Variants in GARNL3 observed in about 807,000 individuals in gnomAD.
GARNL3 encodes GTPase-activating Rap/Ran-GAP domain-like protein 3.
GARNL3 carries 63 observed loss-of-function variants against 125.0 expected under a neutral mutation model. The ratio of observed to expected loss-of-function variants is 0.50; its 90% CI spans 0.41 to 0.62. GARNL3 has a LOEUF of 0.62. GARNL3 is among the 20% of genes least tolerant of loss of function. GARNL3 has a pLI of 0.00. For synonymous variants in GARNL3, 439 were observed against 457.5 expected (o/e 0.96, Z 0.52); for missense variants, 994 against 1,244.0 (o/e 0.80, Z 3.02).
chr9:127,313,681 C>A, intron 4 of GARNL3, 122 bp downstream of exon 4: 1 of 742,668 alleles, frequency 1.3e-6, no homozygotes, highest in Non-Finnish European at 2.4e-6. Flanking sequence ...TCGTGATTCA[C>A]CTCTGAGAAG....
At chr9:127,332,443 AG>A in intron 8 of GARNL3, 94 bp downstream of exon 8, 1 of 926,306 alleles carries the variant, frequency 1.1e-6, no homozygotes, top group Non-Finnish European at 1.7e-6. Flanking sequence ...GTTGAGTTGG[AG>A]TCTTTAATAC....
intron 1 of GARNL3, chr9:127,225,353 G>T: frequency 1.0e-6 from 1 of 984,872 alleles, no homozygotes; most frequent in Non-Finnish European, 1.2e-6. Context: ...CGCTCCTGCG[G>T]CAGAAGAGGG....
intron 7 of GARNL3, 44 bp downstream of exon 7, chr9:127,325,139 G>A: frequency 6.3e-7 from 1 of 1,579,212 alleles, no homozygotes. Flanking sequence ...CTGCCTCCAT[G>A]TTTGTAAATA....
intron 6 of GARNL3, among the ~76,000 whole-genome samples, chr9:127,321,842 G>A (rs1398564087): frequency 6.6e-6 from 1 of 152,160 alleles, no homozygotes; most frequent in Non-Finnish European, 1.5e-5. Flanking sequence ...TAAGCAGGGA[G>A]CATCGTGCTC....
At chr9:127,238,217 G>C (rs1315741698) in intron 1 of GARNL3, among the ~76,000 whole-genome samples, 2 of 152,138 alleles carry the variant, frequency 1.3e-5, no homozygotes, top group Non-Finnish European at 2.9e-5. Flanking sequence ...TCGAACTCCT[G>C]ACCTCGTGAT....
chr9:127,291,279 G>A, intron 2 of GARNL3, 37 bp downstream of exon 2: 5 of 1,559,064 alleles, frequency 3.2e-6, no homozygotes, highest in Non-Finnish European at 4.4e-6. Context: ...ATGCCACCAA[G>A]CACATGATTA....
intron 7 of GARNL3, among the ~76,000 whole-genome samples, chr9:127,327,325 C>G (rs1435332969): frequency 6.6e-6 from 1 of 152,074 alleles, no homozygotes; most frequent in African/African-American, 2.4e-5. Context: ...ACCAGTAACC[C>G]CAAGAGCTGT....
chr9:127,243,154 C>A (rs753498053), exon 2 of GARNL3: 1 of 1,366,166 alleles, frequency 7.3e-7, no homozygotes, highest in South Asian at 1.1e-5. Context: ...TAGCACAAAC[C>A]ATTCTATGGA....
Position 127,389,041 on chromosome 9 carries a change from A to G in GARNL3, c.2665A>G (p.Ile889Val). ...PTPISVGLAA[I>V]PVTHSLSLSR... is the part of the protein sequence containing the mutation. ...TCCCATCAGTGTGGGCCTTGCTGCC[A>G]TTCCAGTCACGCACTCCTTGTCCCT... Residue 889 changes from isoleucine to valine, a missense_variant, in exon 26 of 28, where the codon ATT (isoleucine) becomes GTT (valine). By Grantham distance (29) the Ile-to-Val change is conservative. Transcript: ENST00000373387. 1.2e-6 allele frequency: 2 copies of G among 1,614,166 alleles called. No homozygotes were observed. Among genetic ancestry groups the G allele is most frequent in the Non-Finnish European group, 1.7e-6 (2 of 1,180,010 alleles).
chr9:127,291,032 G>A, intron 1 of GARNL3, 136 bp from the exon 2 acceptor site: 1 of 797,902 alleles, frequency 1.3e-6, no homozygotes, highest in South Asian at 1.7e-5. Flanking sequence ...GCCTGATAGA[G>A]CTTTAAAAAA....
intron 13 of GARNL3, among the ~76,000 whole-genome samples, chr9:127,341,491 G>A (rs1479944898): frequency 3.3e-5 from 5 of 152,182 alleles, no homozygotes; most frequent in Admixed American, 6.5e-5. Flanking sequence ...GAAATTGTCC[G>A]AGTCTCATGT....
chr9:127,245,199 C>G (rs908481678), intron 2 of GARNL3: 1 of 152,298 alleles, frequency 6.6e-6, no homozygotes, highest in African/African-American at 2.4e-5. Context: ...CTGCAAGGCC[C>G]GCAGTGCACC....
At chr9:127,231,228 G>GTTTT (rs34963289) in intron 1 of GARNL3, among the ~76,000 whole-genome samples, 32 of 100,520 alleles carry the variant, frequency 3.2e-4, no homozygotes, top group South Asian at 6.7e-4. Flanking sequence ...CTAATTTTTT[G>GTTTT]TTTTTTTTTT....
intron 11 of GARNL3, among the ~76,000 whole-genome samples, chr9:127,336,634 G>A (rs1829567924): frequency 6.6e-6 from 1 of 152,198 alleles, no homozygotes; most frequent in Non-Finnish European, 1.5e-5. Context: ...GTTGATTTAA[G>A]CCCTGGTAAT....
In GARNL3 at chr9:127,345,383, A is replaced by G. The variant is rs1469182037; in HGVS notation, c.1357-20A>G. 12 of 1,530,936 alleles carry G rather than the reference A, an allele frequency of 7.8e-6. No individual in the cohort carries two copies. The highest frequency in any genetic ancestry group is 2.0e-5 in the Admixed American group (1 of 49,894). The allele number at this position is 1,530,936 out of a possible 1,614,324, so 94.8% of individuals were successfully genotyped here. ...CTTTTGCCGCCTAGTAAACTTTAAT[A>G]GAGATCTCTGTTCTGTAAGGCACTA... On this transcript the variant is annotated intron_variant, in intron 15 of 27. Coordinates refer to ENST00000373387, the MANE Select transcript of GARNL3 (RefSeq NM_032293.5).
At chr9:127,235,787 G>A (rs1219542459) in intron 1 of GARNL3, among the ~76,000 whole-genome samples, 3 of 152,124 alleles carry the variant, frequency 2.0e-5, no homozygotes, top group African/African-American at 7.2e-5. Context: ...CTGTTTCTTT[G>A]GAACAGTGAG....
intron 1 of GARNL3, among the ~76,000 whole-genome samples, chr9:127,278,016 T>C (rs1412712077): frequency 1.3e-5 from 2 of 152,228 alleles, no homozygotes; most frequent in Non-Finnish European, 2.9e-5. Context: ...AGATGAGTTT[T>C]GCCAAAAATC....
At chr9:127,340,170 G>A (rs557129721) in intron 13 of GARNL3, among the ~76,000 whole-genome samples, 3 of 152,178 alleles carry the variant, frequency 2.0e-5, no homozygotes, top group Non-Finnish European at 4.4e-5. Flanking sequence ...ACACTTGCGT[G>A]AGTGTATATG....
intron 4 of GARNL3, among the ~76,000 whole-genome samples, chr9:127,317,701 G>A (rs1319837005): frequency 1.3e-5 from 2 of 151,984 alleles, no homozygotes; most frequent in Admixed American, 6.6e-5. Context: ...AAGCAACAGA[G>A]CCAGACTCTG....
Sources: allele counts gnomAD v4.1 joint callset (sites outside exome capture counted in the v4.1 genomes callset), GRCh38; gene constraint gnomAD v4.1.1; transcripts MANE v1.5; gene names NCBI Gene and HGNC (gene_info 2026-07-23, HGNC 2026-07-21).